ROBO2: variants seen among roughly 807,000 people sequenced by gnomAD.
ROBO2 encodes roundabout guidance receptor 2.
A neutral mutation model predicts 160.8 loss-of-function variants in ROBO2; 53 were observed. That is an observed-to-expected ratio of 0.33 (90% confidence interval 0.26 to 0.41). The LOEUF is 0.41. ROBO2 is among the 10% of genes least tolerant of loss of function. The pLI, the probability that ROBO2 is intolerant of heterozygous loss-of-function variation, is 1.00. For missense variants in ROBO2, 1,577 were observed against 1,722.4 expected (o/e 0.92, Z 1.49); for synonymous variants, 664 against 611.7 (o/e 1.09, Z -1.26).
chr3:76,155,092 C>T (rs1487518321), intron 2 of ROBO2, among the ~76,000 whole-genome samples: 1 of 152,018 alleles, frequency 6.6e-6, no homozygotes, highest in South Asian at 2.1e-4. Context: ...CCCAATAGTA[C>T]CGAAGAAGTG....
At chr3:76,203,096 G>A (rs1044168437) in intron 2 of ROBO2, among the ~76,000 whole-genome samples, 7 of 152,162 alleles carry the variant, frequency 4.6e-5, no homozygotes, top group South Asian at 2.1e-4. Flanking sequence ...AAATTCAGCC[G>A]CAGGCAAAAA....
intron 2 of ROBO2, among the ~76,000 whole-genome samples, chr3:77,274,654 C>A (rs1419877457): frequency 6.6e-6 from 1 of 152,068 alleles, no homozygotes; most frequent in African/African-American, 2.4e-5. Flanking sequence ...AAAGAATGAA[C>A]TTTAAGATGT....
intron 2 of ROBO2, among the ~76,000 whole-genome samples, chr3:76,239,392 T>TAA (rs1705156653): frequency 6.6e-6 from 1 of 151,894 alleles, no homozygotes; most frequent in Admixed American, 6.6e-5. Flanking sequence ...ATAGTATGTA[T>TAA]CTAGATAATG....
chr3:77,135,668 C>CA (rs1235988170), intron 2 of ROBO2, among the ~76,000 whole-genome samples: 1 of 152,028 alleles, frequency 6.6e-6, no homozygotes, highest in Non-Finnish European at 1.5e-5. Context: ...GTTGGCCTCT[C>CA]AGAGTGCTGG....
At chr3:77,640,898 AAAT>A (rs1432900651) in intron 24 of ROBO2, among the ~76,000 whole-genome samples, 3 of 152,216 alleles carry the variant, frequency 2.0e-5, no homozygotes, top group Non-Finnish European at 4.4e-5. Context: ...AGGTTAAATT[AAAT>A]AATAATCAGA....
chr3:77,191,332 G>A (rs183640319), intron 2 of ROBO2, among the ~76,000 whole-genome samples: 2 of 152,144 alleles, frequency 1.3e-5, no homozygotes, highest in East Asian at 1.9e-4. Context: ...GGTTAGTCCA[G>A]TAGAGAGCCA....
intron 13 of ROBO2, among the ~76,000 whole-genome samples, chr3:77,571,324 A>G (rs762670491): frequency 1.3e-5 from 2 of 152,092 alleles, no homozygotes; most frequent in Non-Finnish European, 2.9e-5. Context: ...ACACTTAAAC[A>G]GTTTAACTAG....
chr3:76,958,869 A>T (rs1025899334), intron 2 of ROBO2, among the ~76,000 whole-genome samples: 1 of 152,208 alleles, frequency 6.6e-6, no homozygotes, highest in Admixed American at 6.5e-5. Context: ...TAAGATGCTT[A>T]CATTTTTGCT....
At chr3:75,963,020 G>T (rs1234263380) in intron 2 of ROBO2, among the ~76,000 whole-genome samples, 1 of 151,506 alleles carries the variant, frequency 6.6e-6, no homozygotes, top group Non-Finnish European at 1.5e-5. Context: ...CAATACAGTT[G>T]GTATTGTGCC....
chr3:76,201,766 AT>A (rs1276246495), intron 2 of ROBO2, among the ~76,000 whole-genome samples: 2 of 151,970 alleles, frequency 1.3e-5, no homozygotes, highest in Non-Finnish European at 2.9e-5. Flanking sequence ...TGCACAGGGA[AT>A]TAGTGCTTTA....
intron 14 of ROBO2, among the ~76,000 whole-genome samples, chr3:77,575,464 A>G (rs2093738315): frequency 6.6e-6 from 1 of 152,114 alleles, no homozygotes; most frequent in Non-Finnish European, 1.5e-5. Flanking sequence ...AACATATTTC[A>G]TACAAAATAA....
intron 2 of ROBO2, among the ~76,000 whole-genome samples, chr3:76,205,915 A>G (rs1377487054): frequency 6.6e-6 from 1 of 152,188 alleles, no homozygotes; most frequent in Non-Finnish European, 1.5e-5. Flanking sequence ...CCATCTAGCC[A>G]TGGGCTGGGA....
chr3:77,595,127 T>A lies in ROBO2; in HGVS notation c.2684-15T>A. ...ACTTGTGTGTGCATGTCTTCCTTTT[T>A]TTCTTTTTTCATAGTTACGTTTCAA... On this transcript the variant is annotated splice_polypyrimidine_tract_variant and intron_variant, in intron 17 of 25. Transcript: ENST00000461745. The A allele has an allele frequency of 6.2e-7, 1 of 1,606,416 alleles. No individual in the cohort carries two copies. The highest frequency in any genetic ancestry group is 1.3e-5 in the African/African-American group (1 of 74,878).
At chr3:76,891,419 C>T (rs565212724) in intron 2 of ROBO2, among the ~76,000 whole-genome samples, 1 of 152,086 alleles carries the variant, frequency 6.6e-6, no homozygotes, top group African/African-American at 2.4e-5. Context: ...CCTAGTATCT[C>T]TTAGGAGATT....
chr3:76,393,481 G>A (rs1423997837), intron 2 of ROBO2, among the ~76,000 whole-genome samples: 1 of 152,132 alleles, frequency 6.6e-6, no homozygotes, highest in Non-Finnish European at 1.5e-5. Context: ...TAAGGAAATT[G>A]ATAAGACTTC....
chr3:76,381,379 C>G (rs2076612047), intron 2 of ROBO2, among the ~76,000 whole-genome samples: 1 of 152,072 alleles, frequency 6.6e-6, no homozygotes, highest in Non-Finnish European at 1.5e-5. Context: ...GAGATGGAGT[C>G]TCGCTTTGTC....
chr3:76,937,140 C>G (rs1040450761), intron 2 of ROBO2, among the ~76,000 whole-genome samples: 1 of 152,046 alleles, frequency 6.6e-6, no homozygotes, highest in Non-Finnish European at 1.5e-5. Flanking sequence ...ACTTTTGTCA[C>G]GTTTAATCTT....
At chr3:77,460,592 A>C (rs572274644) in intron 2 of ROBO2, among the ~76,000 whole-genome samples, 2 of 152,292 alleles carry the variant, frequency 1.3e-5, no homozygotes, top group South Asian at 4.1e-4. Flanking sequence ...GTTGGAAGGA[A>C]ATTAAGAAAA....
At chr3:76,357,768 A>G (rs1323276171) in intron 2 of ROBO2, among the ~76,000 whole-genome samples, 4 of 151,976 alleles carry the variant, frequency 2.6e-5, no homozygotes, top group African/African-American at 9.6e-5. Context: ...AAACAACCAC[A>G]ATTAATTTTA....
Sources: allele counts gnomAD v4.1 joint callset (sites outside exome capture counted in the v4.1 genomes callset), GRCh38; gene constraint gnomAD v4.1.1; transcripts MANE v1.5; gene names NCBI Gene and HGNC (gene_info 2026-07-23, HGNC 2026-07-21).